The following CD37 variants were observed in gnomAD, a reference collection of about 807,000 sequenced individuals.
CD37 encodes the protein CD37 molecule, also known as leukocyte antigen CD37.
Under a neutral mutation model 38.9 loss-of-function variants are expected in CD37, and 37 were observed. The observed-to-expected ratio is 0.95, with a 90% CI of 0.73 to 1.25. The LOEUF (loss-of-function observed/expected upper bound fraction) is 1.25, where lower values mean the gene tolerates loss of function less well. CD37 is among the 50% of genes most tolerant of loss of function. CD37 has a pLI of 0.00. For missense variants in CD37, 351 were observed against 360.1 expected, an observed-to-expected ratio of 0.97 and a Z score of 0.20; for synonymous variants, 146 against 150.1, an observed-to-expected ratio of 0.97 and a Z score of 0.20.
At chr19:49,337,084 CA>C (rs1371927070) in intron 3 of CD37, 51 bp downstream of exon 3, 1 of 1,614,010 alleles carries the variant, frequency 6.2e-7, no homozygotes, top group Non-Finnish European at 8.5e-7. Context: ...TCCCCACCCT[CA>C]AAAATGGCCT....
Position 49,335,797 on chromosome 19 carries a change from C to T in CD37, c.142+11C>T. 15 of 1,417,638 alleles carry T rather than the reference C, an allele frequency of 1.1e-5. No individual in the cohort carries two copies. The highest frequency in any genetic ancestry group is 1.5e-5 in the Non-Finnish European group (15 of 1,003,662). The allele number at this position is 1,417,638 out of a possible 1,614,324, so 87.8% of individuals were successfully genotyped here. ...TCGTGTCCTTTGTGGGTGAGGGGGG[C>T]TGGGGCAGGTGGGAGGGCCTCCCCC... On this transcript the variant is annotated intron_variant, in intron 2 of 7. Transcript: ENST00000323906. This position sits in a 1 kb window ranked among gnomAD's most constrained non-coding sequence, Gnocchi z 4.6.
rs770736487 is a variant in CD37, at chr19:49,340,499, C to G, written c.*171C>G. 2.2e-4 allele frequency: 140 copies of G among 650,648 alleles called. No homozygotes were observed. Among genetic ancestry groups the G allele is most frequent in the South Asian group, 1.1e-3 (63 of 58,050 alleles). 40.3% of individuals were successfully genotyped at this position (650,648 alleles called of 1,614,324 possible). A position where few individuals can be genotyped will look rare whatever the true frequency, so the allele number is the denominator to read the frequency against. On this transcript the variant is annotated 3_prime_UTR_variant, in exon 8 of 8. Coordinates refer to ENST00000323906, the MANE Select transcript of CD37 (RefSeq NM_001774.3). ...TGCTGCTGTCACCTCTCCCACGGGA[C>G]CTGGGGCTTTCGTCCACAGCTTCCT...
rs772456298 is a variant in CD37, at chr19:49,338,840, G to A, written c.588G>A (p.Val196=). The stretch of plus-strand genomic sequence containing the variant: ...ACGACTCCACAATCCTAGATAAGGT[G>A]ATCTTGCCCCAGCTCAGCAGGCTTG... ...ATNDSTILDK[V]ILPQLSRLGH... is the part of the protein sequence containing the mutation. Residue 196 remains valine, a synonymous_variant, in exon 6 of 8, where the codon GTG becomes GTA. Transcript: ENST00000323906. This position sits in a 1 kb window ranked among gnomAD's most constrained non-coding sequence, Gnocchi z 5.0. The A allele has an allele frequency of 1.2e-6, 2 of 1,614,160 alleles. No individual in the cohort carries two copies. Among genetic ancestry groups the A allele is most frequent in the East Asian group, 2.2e-5 (1 of 44,878 alleles).
At chr19:49,337,731 G>A (rs1971010224) in intron 4 of CD37, 194 bp from the exon 5 acceptor site, 3 of 1,535,908 alleles carry the variant, frequency 2.0e-6, no homozygotes, top group Non-Finnish European at 2.6e-6. Flanking sequence ...CCTGAAAGAA[G>A]AGACAGAGAC....
Position 49,339,585 on chromosome 19 carries a change from G to A in CD37, c.768+172G>A. ...GGAGGGTGGGGGCGGCCCAGCTTCA[G>A]GGAGCCCTGATTGGGTGTACGCAGG... On this transcript the variant is annotated intron_variant, in intron 7 of 7. Coordinates refer to ENST00000323906, the MANE Select transcript of CD37 (RefSeq NM_001774.3). This position sits in a 1 kb window ranked among gnomAD's most constrained non-coding sequence, Gnocchi z 4.5. 2 of 1,452,874 alleles carry A rather than the reference G, an allele frequency of 1.4e-6. No homozygotes were observed. Among genetic ancestry groups the A allele is most frequent in the East Asian group, 2.5e-5 (1 of 40,664 alleles). 90.0% of individuals were successfully genotyped at this position (1,452,874 alleles called of 1,614,324 possible). A position where few individuals can be genotyped will look rare whatever the true frequency, so the allele number is the denominator to read the frequency against.
At chr19:49,337,523 G>T in intron 4 of CD37, 1 of 789,592 alleles carries the variant, frequency 1.3e-6, no homozygotes, top group South Asian at 1.8e-5. Context: ...TTGGGAGGTC[G>T]AGGTGGGAGG....
At chr19:49,336,826 A>C in intron 2 of CD37, 83 bp from the exon 3 acceptor site, 1 of 1,511,546 alleles carries the variant, frequency 6.6e-7, no homozygotes, top group Non-Finnish European at 9.1e-7. Flanking sequence ...ACTGCTCCCC[A>C]CTTGGGTGGC....
rs143909611 is a variant in CD37, at chr19:49,335,446, CTCTT to C, written c.-91_-88del. On this transcript the variant is annotated 5_prime_UTR_variant, in exon 1 of 8. Coordinates refer to ENST00000323906, the MANE Select transcript of CD37 (RefSeq NM_001774.3). The surrounding 1 kb of genome is among the most constrained non-coding windows in gnomAD (Gnocchi z 4.6). ...TCCTTTCTCTCTCAGCTCTCCGTCT[CTCTT>C]TCTCTCTCAGCCTCTTTCTTTCTCC... The C allele has an allele frequency of 2.8e-3, 2,594 of 913,350 alleles. 43 individuals carry two copies. In the African/African-American group the frequency reaches 0.036, roughly 13 times the overall value. The allele number at this position is 913,350 out of a possible 1,614,324, so 56.6% of individuals were successfully genotyped here. A position where few individuals can be genotyped will look rare whatever the true frequency, so the allele number is the denominator to read the frequency against.
chr19:49,339,757 A>C lies in CD37; in HGVS notation c.768+344A>C, dbSNP rs1971136002. 7.2e-7 allele frequency: 1 copy of C among 1,391,662 alleles called. No individual in the cohort carries two copies. Among genetic ancestry groups the C allele is most frequent in the Admixed American group, 3.2e-5 (1 of 31,702 alleles). 86.2% of individuals were successfully genotyped at this position (1,391,662 alleles called of 1,614,324 possible). ...CGCTGGGGATTCGAGCCCCGGGCCCAGCCTGATCGCTGACGGCGGCGGCGG... is the reference window on the plus strand; with the variant it reads ...CGCTGGGGATTCGAGCCCCGGGCCCCGCCTGATCGCTGACGGCGGCGGCGG... On this transcript the variant is annotated intron_variant, in intron 7 of 7. Coordinates refer to ENST00000323906, the MANE Select transcript of CD37 (RefSeq NM_001774.3). This position sits in a 1 kb window ranked among gnomAD's most constrained non-coding sequence, Gnocchi z 4.5.
Position 49,339,975 on chromosome 19 carries a change from G to A in CD37, c.769-276G>A. The A allele has an allele frequency of 7.0e-7, 1 of 1,425,344 alleles. No homozygotes were observed. The highest frequency in any genetic ancestry group is 1.5e-5 in the South Asian group (1 of 68,138). 88.3% of individuals were successfully genotyped at this position (1,425,344 alleles called of 1,614,324 possible). A position where few individuals can be genotyped will look rare whatever the true frequency, so the allele number is the denominator to read the frequency against. On this transcript the variant is annotated intron_variant, in intron 7 of 7. Transcript: ENST00000323906. This position sits in a 1 kb window ranked among gnomAD's most constrained non-coding sequence, Gnocchi z 4.5. ...CACAATTAGAGGCTGAGGCAGAGGG[G>A]GAAGACAGATGAGCCTCCAAAATAA...
chr19:49,338,772 G>A lies in CD37; in HGVS notation c.520G>A (p.Ala174Thr), dbSNP rs1480612746. The A allele has an allele frequency of 6.2e-7, 1 of 1,613,744 alleles. No homozygotes were observed. The highest frequency in any genetic ancestry group is 8.5e-7 in the Non-Finnish European group (1 of 1,180,018). The stretch of plus-strand genomic sequence containing the variant: ...CATCCTGAGAGGTAACGGGTCGGAG[G>A]CGCACCGCGTGCCCTGCTCCTGCTA... ...VLILRGNGSE[A>T]HRVPCSCYNL... Residue 174 changes from alanine (A) to threonine (T), a missense_variant, in exon 6 of 8, where the codon GCG (alanine) becomes ACG (threonine). Coordinates refer to ENST00000323906, the MANE Select transcript of CD37 (RefSeq NM_001774.3). This position sits in a 1 kb window ranked among gnomAD's most constrained non-coding sequence, Gnocchi z 5.0.
rs766747477 is a variant in CD37 at position 49,337,995 on chromosome 19, C to A, written c.413C>A (p.Ala138Glu). The stretch of plus-strand genomic sequence containing the variant: ...TACGGCACCAACCCCGAGGAGACCG[C>A]GGCCGAGGAGAGCTGGGACTATGTG... The part of the protein sequence containing the change: ...QKYGTNPEET[A>E]AEESWDYVQF... Residue 138 changes from alanine (A) to glutamate (E), a missense_variant, in exon 5 of 8, where the codon GCG becomes GAG. Coordinates refer to ENST00000323906, the MANE Select transcript of CD37 (RefSeq NM_001774.3). The A allele has an allele frequency of 2.5e-6, 4 of 1,614,032 alleles. No individual in the cohort carries two copies. The highest frequency in any genetic ancestry group is 1.7e-6 in the Non-Finnish European group (2 of 1,179,986).
In CD37 at chr19:49,338,866, G is replaced by A; in HGVS notation, c.614G>A (p.Gly205Glu). ...KVILPQLSRLGHLARSRHSAD... is the reference protein window; with the variant it reads ...KVILPQLSRLEHLARSRHSAD... ...ATCTTGCCCCAGCTCAGCAGGCTTG[G>A]ACACCTGGCGCGGTCCAGACACAGT... Residue 205 changes from glycine (G) to glutamate (E), a missense_variant, in exon 6 of 8, where the codon GGA (glycine) becomes GAA (glutamate). By Grantham distance (98) the Gly-to-Glu change is moderately conservative. Coordinates refer to ENST00000323906, the MANE Select transcript of CD37 (RefSeq NM_001774.3). The surrounding 1 kb of genome is among the most constrained non-coding windows in gnomAD (Gnocchi z 5.0). The A allele has an allele frequency of 6.2e-7, 1 of 1,614,130 alleles. No homozygotes were observed. Among genetic ancestry groups the A allele is most frequent in the East Asian group, 2.2e-5 (1 of 44,878 alleles).
intron 2 of CD37, chr19:49,336,522 C>T: frequency 5.5e-6 from 1 of 183,362 alleles, no homozygotes; most frequent in South Asian, 1.0e-4. Context: ...CACATCACTG[C>T]ACTCCAGCCT....
intron 4 of CD37, 22 bp downstream of exon 4, chr19:49,337,243 C>T (rs117893060): frequency 1.2e-6 from 2 of 1,605,712 alleles, no homozygotes; most frequent in Admixed American, 1.7e-5. Flanking sequence ...GCAGTGGCCA[C>T]CACCCACCCC....
At position 49,338,236 on chromosome 19, in the gene CD37, T is replaced by C. The variant is rs536046065; in HGVS notation, c.447+207T>C. 1 of 1,396,652 alleles carries C rather than the reference T, an allele frequency of 7.2e-7. No individual in the cohort carries two copies. Among genetic ancestry groups the C allele is most frequent in the Non-Finnish European group, 9.3e-7 (1 of 1,073,314 alleles). 86.5% of individuals were successfully genotyped at this position (1,396,652 alleles called of 1,614,324 possible). On this transcript the variant is annotated intron_variant, in intron 5 of 7. Transcript: ENST00000323906. The surrounding 1 kb of genome is among the most constrained non-coding windows in gnomAD (Gnocchi z 5.0). ...CCCAGTACCCAGACCCTGGCGTGGC[T>C]TCGCCATCTACCTCGAGAGACTCCG...
At position 49,338,181 on chromosome 19, in the gene CD37, G is replaced by A; in HGVS notation, c.447+152G>A. 9.7e-6 allele frequency: 14 copies of A among 1,443,498 alleles called. No homozygotes were observed. The highest frequency in any genetic ancestry group is 1.3e-5 in the Non-Finnish European group (14 of 1,101,914). The allele number at this position is 1,443,498 out of a possible 1,614,324, so 89.4% of individuals were successfully genotyped here. A position where few individuals can be genotyped will look rare whatever the true frequency, so the allele number is the denominator to read the frequency against. ...GCCCGACGCTCCCCACTCCCCAGAT[G>A]ACACAACTGTCCCCGGCGTCGCCTG... is the stretch of plus-strand genomic sequence containing the variant. On this transcript the variant is annotated intron_variant, in intron 5 of 7. Coordinates refer to ENST00000323906, the MANE Select transcript of CD37 (RefSeq NM_001774.3). This position sits in a 1 kb window ranked among gnomAD's most constrained non-coding sequence, Gnocchi z 5.0.
chr19:49,335,794 GGGCT>G lies in CD37; in HGVS notation c.142+11_142+14del. ...GCTTCGTGTCCTTTGTGGGTGAGGG[GGGCT>G]GGGGCAGGTGGGAGGGCCTCCCCCA... On this transcript the variant is annotated intron_variant, in intron 2 of 7. Transcript: ENST00000323906. The surrounding 1 kb of genome is among the most constrained non-coding windows in gnomAD (Gnocchi z 4.6). 6.2e-7 allele frequency: 1 copy of G among 1,609,082 alleles called. No individual in the cohort carries two copies. Among genetic ancestry groups the G allele is most frequent in the East Asian group, 2.2e-5 (1 of 44,818 alleles).
rs567113642 is a variant in CD37, at chr19:49,337,003, C to A, written c.237C>A (p.Ala79=). The A allele has an allele frequency of 6.2e-7, 1 of 1,613,728 alleles. No individual in the cohort carries two copies. Residue 79 remains alanine (A), a synonymous_variant, in exon 3 of 8, where the codon GCC becomes GCA. Coordinates refer to ENST00000323906, the MANE Select transcript of CD37 (RefSeq NM_001774.3). ...TCGCCCTCCTGGGTTGTGTGGGGGC[C>A]CTCAAGGAGCTCCGCTGCCTCCTGG... is the stretch of plus-strand genomic sequence containing the variant. ...MGIALLGCVG[A]LKELRCLLGL...
Sources: gnomAD v4.1 joint callset for allele counts on GRCh38, gnomAD v4.1.1 for gene constraint, Gnocchi (gnomAD v3.1) non-coding constraint, MANE v1.5 for transcripts, NCBI Gene and HGNC (gene_info 2026-07-23, HGNC 2026-07-21) for gene names.